PARD3B: variants seen among roughly 807,000 people sequenced by gnomAD.
PARD3B encodes par-3 family cell polarity regulator beta.
In PARD3B, 103 loss-of-function variants were observed where a neutral mutation model predicts 130.2. The observed-to-expected ratio is 0.79, with a 90% CI of 0.67 to 0.93. The LOEUF (loss-of-function observed/expected upper bound fraction) is 0.93. PARD3B is among the 40% of genes least tolerant of loss of function. The pLI is 0.00. For synonymous variants in PARD3B, 583 were observed against 553.2 expected, an observed-to-expected ratio of 1.05 and a Z score of -0.76; for missense variants, 1,609 against 1,499.2, an observed-to-expected ratio of 1.07 and a Z score of -1.21.
rs552605865 is a variant in PARD3B, at chr2:205,105,230, A to G, written c.593+716A>G. ...TTCAGAGGGTTAGTATGGGTATTAA[A>G]TGAGTTAATACATGTAGACCATTTT... On this transcript the variant is annotated intron_variant, in intron 5 of 22. Transcript: ENST00000406610. The surrounding 1 kb of genome is among the most constrained non-coding windows in gnomAD (Gnocchi z 4.0). 6.6e-6 allele frequency among the ~76,000 whole-genome samples: 1 copy of G among 152,334 alleles called. No homozygotes were observed. Among genetic ancestry groups the G allele is most frequent in the African/African-American group, 2.4e-5 (1 of 41,574 alleles).
At chr2:205,106,749 C>A (rs1004217359) in intron 5 of PARD3B, among the ~76,000 whole-genome samples, 1 of 152,098 alleles carries the variant, frequency 6.6e-6, no homozygotes, top group African/African-American at 2.4e-5. Flanking sequence ...TAGGAAACTT[C>A]TCATATAAAA....
chr2:204,608,790 A>G (rs1219589870), intron 1 of PARD3B, among the ~76,000 whole-genome samples: 3 of 152,144 alleles, frequency 2.0e-5, no homozygotes, highest in Non-Finnish European at 4.4e-5. Context: ...GTGTGATGAT[A>G]TTGGGGAAGC....
intron 3 of PARD3B, among the ~76,000 whole-genome samples, chr2:204,989,130 C>G (rs1693424889): frequency 1.3e-5 from 2 of 152,046 alleles, no homozygotes; most frequent in South Asian, 4.2e-4. Context: ...AGTCAGCACT[C>G]AGGGCAGTGT....
At chr2:204,937,496 T>C (rs1307514875) in intron 2 of PARD3B, among the ~76,000 whole-genome samples, 1 of 152,222 alleles carries the variant, frequency 6.6e-6, no homozygotes, top group Admixed American at 6.5e-5. Flanking sequence ...GTTGCGGTAC[T>C]CCAGGATCGA....
intron 2 of PARD3B, among the ~76,000 whole-genome samples, chr2:204,905,348 C>T (rs770492003): frequency 1.3e-5 from 2 of 152,092 alleles, no homozygotes; most frequent in Non-Finnish European, 2.9e-5. Flanking sequence ...GAGAGGAGAA[C>T]CAGAGAGCAG....
chr2:205,594,798 G>A (rs551268533), intron 22 of PARD3B, among the ~76,000 whole-genome samples: 1 of 152,162 alleles, frequency 6.6e-6, no homozygotes, highest in Non-Finnish European at 1.5e-5. Context: ...TTCCTACCCT[G>A]ACATATCAGT....
At chr2:205,497,396 A>C (rs541188273) in intron 20 of PARD3B, among the ~76,000 whole-genome samples, 15 of 148,764 alleles carry the variant, frequency 1.0e-4, no homozygotes, top group Admixed American at 9.4e-4. Flanking sequence ...TTTGAGAAGA[A>C]TGCTTTTCCT....
intron 5 of PARD3B, among the ~76,000 whole-genome samples, chr2:205,109,403 G>A (rs564025801): frequency 2.6e-5 from 4 of 152,208 alleles, no homozygotes; most frequent in South Asian, 2.1e-4. Context: ...CAAATAAAAC[G>A]TGTTCCTCAA....
intron 3 of PARD3B, among the ~76,000 whole-genome samples, chr2:205,003,238 T>G (rs1694992132): frequency 6.6e-6 from 1 of 152,200 alleles, no homozygotes; most frequent in Non-Finnish European, 1.5e-5. Context: ...ACTGAGCCAT[T>G]TAGATAATCC....
chr2:204,691,121 C>T (rs2037334548), intron 2 of PARD3B, among the ~76,000 whole-genome samples: 1 of 152,134 alleles, frequency 6.6e-6, no homozygotes, highest in South Asian at 2.1e-4. Flanking sequence ...CACTGCAAAG[C>T]TTAATGCTTC....
chr2:204,666,137 G>A (rs1330124741), intron 1 of PARD3B, among the ~76,000 whole-genome samples: 1 of 152,172 alleles, frequency 6.6e-6, no homozygotes, highest in African/African-American at 2.4e-5. Flanking sequence ...GGGGAGTAAA[G>A]CATTTTAAGT....
intron 1 of PARD3B, among the ~76,000 whole-genome samples, chr2:204,674,434 T>G (rs2036439765): frequency 6.6e-6 from 1 of 150,622 alleles, no homozygotes; most frequent in Non-Finnish European, 1.5e-5. Context: ...GGTAGTATTA[T>G]CCCCAATCCT....
chr2:204,782,589 C>T (rs1449214159), intron 2 of PARD3B, among the ~76,000 whole-genome samples: 1 of 151,240 alleles, frequency 6.6e-6, no homozygotes, highest in Admixed American at 6.6e-5. Context: ...GTAGATACAT[C>T]TGTGTATTAA....
At chr2:205,380,235 GAA>G (rs1325975139) in intron 18 of PARD3B, among the ~76,000 whole-genome samples, 1 of 89,584 alleles carries the variant, frequency 1.1e-5, no homozygotes, top group Non-Finnish European at 2.0e-5. Flanking sequence ...ATTATGTAAA[GAA>G]TATATATTAT....
intron 1 of PARD3B, among the ~76,000 whole-genome samples, chr2:204,588,189 C>T (rs897291487): frequency 1.3e-5 from 2 of 152,102 alleles, no homozygotes; most frequent in East Asian, 1.9e-4. Flanking sequence ...GACTGGCTTC[C>T]GTGACTTGGA....
chr2:205,296,326 T>G (rs1231272665), intron 16 of PARD3B, among the ~76,000 whole-genome samples: 1 of 152,158 alleles, frequency 6.6e-6, no homozygotes, highest in Non-Finnish European at 1.5e-5. Context: ...TATTCTCAAT[T>G]ATTCAAATCA....
rs1031030130 is a variant in PARD3B at position 205,411,229 on chromosome 2, A to T, written c.2741+10106A>T. 2.6e-5 allele frequency among the ~76,000 whole-genome samples: 4 copies of T among 152,168 alleles called. No homozygotes were observed. The East Asian group carries it at 7.7e-4, about 29-fold the overall frequency. ...ACTTGTGCCAAGGTTGAGAAACCAT[A>T]TTTTAGATAGATAGATAGATATAAT... On this transcript the variant is annotated intron_variant, in intron 19 of 22. Transcript: ENST00000406610.
At chr2:204,968,820 T>C (rs1559310696) in intron 3 of PARD3B, among the ~76,000 whole-genome samples, 3 of 152,224 alleles carry the variant, frequency 2.0e-5, no homozygotes, top group African/African-American at 2.4e-5. Flanking sequence ...TCTACTGACA[T>C]AAAGGGGTTC....
chr2:205,259,564 G>C (rs1041377517), intron 16 of PARD3B, among the ~76,000 whole-genome samples: 1 of 150,516 alleles, frequency 6.6e-6, no homozygotes, highest in African/African-American at 2.4e-5. Flanking sequence ...TATCCTTCTT[G>C]GTATGTGGTA....
Sources: allele counts gnomAD v4.1 joint callset (sites outside exome capture counted in the v4.1 genomes callset), GRCh38; gene constraint gnomAD v4.1.1; non-coding constraint Gnocchi (gnomAD v3.1); transcripts MANE v1.5; gene names NCBI Gene and HGNC (gene_info 2026-07-23, HGNC 2026-07-21).